Variants in AHRR observed in about 807,000 individuals in gnomAD.
AHRR encodes ahR repressor.
AHRR carries 28 observed loss-of-function variants against 44.0 expected under a neutral mutation model. The observed-to-expected ratio is 0.64, with a 90% confidence interval of 0.47 to 0.87. AHRR has a LOEUF of 0.87. Among genes scored for constraint, AHRR ranks in the 40% least tolerant of loss-of-function variants. The pLI is 0.00. For missense variants in AHRR, 990 were observed against 953.9 expected, an observed-to-expected ratio of 1.04 and a Z score of -0.50; for synonymous variants, 434 against 407.0, an observed-to-expected ratio of 1.07 and a Z score of -0.80.
intron 1 of AHRR, among the ~76,000 whole-genome samples, chr5:339,070 T>C (rs902598658): frequency 1.2e-4 from 18 of 152,198 alleles, no homozygotes; most frequent in African/African-American, 4.1e-4. Context: ...TCTCAGTAAT[T>C]AGTTATAGGT....
In AHRR at chr5:379,247, G is replaced by A. The variant is rs374216005; in HGVS notation, c.351+2531G>A. Among the ~76,000 whole-genome samples the A allele has an allele frequency of 8.5e-5, 13 of 152,116 alleles. No homozygotes were observed. In the East Asian group the frequency reaches 2.5e-3, roughly 29 times the overall value. ...GTTGTTGCTGCCGGTTAGGATTTGG[G>A]CTCATCCACGGTGCTGCGGGCCGCT... is the stretch of plus-strand genomic sequence containing the variant. On this transcript the variant is annotated intron_variant, in intron 4 of 10. Coordinates refer to ENST00000684583, the MANE Select transcript of AHRR (RefSeq NM_001377236.1).
At chr5:343,760 G>C (rs996962275) in intron 1 of AHRR, 133 bp from the exon 2 acceptor site, 1 of 820,608 alleles carries the variant, frequency 1.2e-6, no homozygotes, top group Non-Finnish European at 1.8e-6. Flanking sequence ...CCACGAGGAG[G>C]AGCAGGAGGT....
At chr5:339,585 TGG>T (rs1742262571) in intron 1 of AHRR, among the ~76,000 whole-genome samples, 1 of 152,182 alleles carries the variant, frequency 6.6e-6, no homozygotes, top group African/African-American at 2.4e-5. Context: ...TTAGTGGGAA[TGG>T]GGGTACACCA....
At chr5:380,547 T>C (rs1733938951) in intron 4 of AHRR, among the ~76,000 whole-genome samples, 1 of 152,242 alleles carries the variant, frequency 6.6e-6, no homozygotes, top group African/African-American at 2.4e-5. Context: ...TGCATATTTA[T>C]GTTAGATTCA....
chr5:433,785 C>T, intron 10 of AHRR, 68 bp from the exon 11 acceptor site: 1 of 1,419,880 alleles, frequency 7.0e-7, no homozygotes, highest in Non-Finnish European at 9.2e-7. Flanking sequence ...CCTTAGAGAC[C>T]CCCACCCAGG....
intron 5 of AHRR, among the ~76,000 whole-genome samples, chr5:420,419 A>T (rs1736020877): frequency 6.6e-6 from 1 of 151,964 alleles, no homozygotes; most frequent in African/African-American, 2.4e-5. Flanking sequence ...AGGAGGAGTG[A>T]CCCCCCACTG....
rs374317874 is a variant in AHRR, at chr5:392,287, A to C, written c.351+15571A>C. The stretch of plus-strand genomic sequence containing the variant: ...GAGCGTGCACGGGCGCAGGGCGAGG[A>C]GGGCGCAGGGCGAGGCAGGGCCAGA... On this transcript the variant is annotated intron_variant, in intron 4 of 10. Transcript: ENST00000684583. Among the ~76,000 whole-genome samples, 43 of 59,622 alleles carry C rather than the reference A, an allele frequency of 7.2e-4. 1 individual carries two copies. The East Asian group carries it at 0.018, about 25-fold the overall frequency. 39.1% of individuals were successfully genotyped at this position (59,622 alleles called of 152,430 possible). A position where few individuals can be genotyped will look rare whatever the true frequency, so the allele number is the denominator to read the frequency against.
intron 8 of AHRR, among the ~76,000 whole-genome samples, chr5:431,656 C>G (rs191084509): frequency 6.6e-6 from 1 of 152,204 alleles, no homozygotes; most frequent in African/African-American, 2.4e-5. Context: ...AACAGCCCCC[C>G]AGTCTTCCAC....
chr5:329,624 T>G (rs1741844382), intron 1 of AHRR, among the ~76,000 whole-genome samples: 1 of 152,270 alleles, frequency 6.6e-6, no homozygotes, highest in South Asian at 2.1e-4. Flanking sequence ...TCTTCTGATC[T>G]ATGAACATGG....
At chr5:331,408 T>C (rs1362371029) in intron 1 of AHRR, among the ~76,000 whole-genome samples, 3 of 144,360 alleles carry the variant, frequency 2.1e-5, no homozygotes, top group Non-Finnish European at 4.6e-5. Context: ...TTTTCATTTC[T>C]GATTTTGTTT....
chr5:421,268 G>A lies in AHRR; in HGVS notation c.442-1461G>A, dbSNP rs879378210. On this transcript the variant is annotated intron_variant, in intron 5 of 10. Coordinates refer to ENST00000684583, the MANE Select transcript of AHRR (RefSeq NM_001377236.1). ...TTCAGCCACGGAGCGGATGCCGTGT[G>A]CAGGCACGGAACGGGCGAGGCTGTT... 4.1e-4 allele frequency: 287 copies of A among 698,568 alleles called. 2 individuals carry two copies. The East Asian group carries it at 5.4e-3, about 13-fold the overall frequency. 43.3% of individuals were successfully genotyped at this position (698,568 alleles called of 1,614,324 possible).
rs555301714 is a variant in AHRR, at chr5:396,856, C to T, written c.352-16488C>T. ...GGCCAGTTCCAGGAGGCTGGGGACC[C>T]CCGCCCAGCTGGGTCAGAGTGCCCG... On this transcript the variant is annotated intron_variant, in intron 4 of 10. Coordinates refer to ENST00000684583, the MANE Select transcript of AHRR (RefSeq NM_001377236.1). Among the ~76,000 whole-genome samples, 373 of 152,080 alleles carry T rather than the reference C, an allele frequency of 2.5e-3. 2 individuals are homozygous for T. The highest frequency in any genetic ancestry group is 8.5e-3 in the African/African-American group (354 of 41,444).
intron 5 of AHRR, among the ~76,000 whole-genome samples, chr5:415,730 G>GCCGAATCTGCCTGGTCGGGCGGGAGGC (rs1560916547): frequency 6.6e-6 from 1 of 152,108 alleles, no homozygotes. Context: ...AGGCCTAGGG[G>GCCGAATCTGCCTGGTCGGGCGGGAGGC]CTGTGCAGAG....
At chr5:433,726 C>T (rs539099069) in intron 10 of AHRR, 127 bp from the exon 11 acceptor site, 482 of 1,119,720 alleles carry the variant, frequency 4.3e-4, no homozygotes, top group Middle Eastern at 1.3e-3. Context: ...AGTGAGGGGT[C>T]GGTGTAGCAG....
At chr5:433,097 C>A in intron 10 of AHRR, 150 bp downstream of exon 10, 1 of 1,026,536 alleles carries the variant, frequency 9.7e-7, no homozygotes, top group Non-Finnish European at 1.4e-6. Context: ...ACCTTACTCT[C>A]TGTGGAGCTG....
chr5:362,280 A>G (rs1291269337), intron 3 of AHRR, among the ~76,000 whole-genome samples: 1 of 152,236 alleles, frequency 6.6e-6, no homozygotes, highest in Non-Finnish European at 1.5e-5. Context: ...CACCTTGATC[A>G]TGGGCTTCCA....
rs1049187652 is a variant in AHRR, at chr5:387,575, C to A, written c.351+10859C>A. 2.6e-5 allele frequency among the ~76,000 whole-genome samples: 4 copies of A among 152,232 alleles called. No individual in the cohort carries two copies. Among genetic ancestry groups the A allele is most frequent in the African/African-American group, 9.6e-5 (4 of 41,456 alleles). On this transcript the variant is annotated intron_variant, in intron 4 of 10. Transcript: ENST00000684583. The surrounding 1 kb of genome is among the most constrained non-coding windows in gnomAD (Gnocchi z 5.1). Reference sequence around the variant, plus strand: ...AGCACGTCCCTCCACCTGCCTTTCACCCTGTCTGCTGAGGGATGAGGCACT... The same window carrying A: ...AGCACGTCCCTCCACCTGCCTTTCAACCTGTCTGCTGAGGGATGAGGCACT...
intron 4 of AHRR, among the ~76,000 whole-genome samples, chr5:402,695 G>A (rs1735070241): frequency 6.6e-6 from 1 of 151,768 alleles, no homozygotes; most frequent in Admixed American, 6.6e-5. Context: ...ATTAAAAATG[G>A]AACTTCCATG....
At chr5:324,277 G>A (rs1344558633) in intron 1 of AHRR, among the ~76,000 whole-genome samples, 1 of 151,066 alleles carries the variant, frequency 6.6e-6, no homozygotes, top group Non-Finnish European at 1.5e-5. Flanking sequence ...CTAAATGTTG[G>A]CCAGGCTGGT....
Sources: gnomAD v4.1 joint callset for allele counts (sites outside exome capture counted in the v4.1 genomes callset) on GRCh38, gnomAD v4.1.1 for gene constraint, Gnocchi (gnomAD v3.1) non-coding constraint, MANE v1.5 for transcripts, NCBI Gene and HGNC (gene_info 2026-07-23, HGNC 2026-07-21) for gene names.